Variants in SPAG16 observed in about 807,000 individuals in gnomAD.
SPAG16 encodes the protein sperm associated antigen 16.
SPAG16 carries 86 observed loss-of-function variants against 80.4 expected under a neutral mutation model. The observed-to-expected ratio is 1.07, with a 90% CI of 0.90 to 1.28. The LOEUF (loss-of-function observed/expected upper bound fraction) is 1.28. Among genes scored for constraint, SPAG16 ranks in the 50% most tolerant of loss-of-function variants. SPAG16 has a pLI of 0.00. For synonymous variants in SPAG16, 294 were observed against 265.9 expected (o/e 1.11, Z -1.03); for missense variants, 870 against 765.3 (o/e 1.14, Z -1.61).
chr2:213,645,120 C>T (rs1485799345), intron 10 of SPAG16, among the ~76,000 whole-genome samples: 5 of 152,180 alleles, frequency 3.3e-5, no homozygotes, highest in African/African-American at 9.7e-5. Context: ...AGCCTCACTC[C>T]TGCAGCCACA....
At chr2:213,601,818 T>C (rs541789100) in intron 10 of SPAG16, among the ~76,000 whole-genome samples, 3 of 152,334 alleles carry the variant, frequency 2.0e-5, no homozygotes, top group South Asian at 4.1e-4. Context: ...CTGGGAACAA[T>C]AGGCTATACC....
intron 10 of SPAG16, among the ~76,000 whole-genome samples, chr2:213,680,990 T>C (rs1313494326): frequency 8.5e-5 from 13 of 152,178 alleles, no homozygotes; most frequent in Admixed American, 6.6e-4. Context: ...AGATAAAGGA[T>C]TGTGGAGACC....
intron 11 of SPAG16, among the ~76,000 whole-genome samples, chr2:213,899,177 T>TGCTGCTTAGA (rs2077112751): frequency 6.6e-6 from 1 of 152,102 alleles, no homozygotes; most frequent in Non-Finnish European, 1.5e-5. Flanking sequence ...GAACTTGGTG[T>TGCTGCTTAGA]ACTTGTAAAG....
At chr2:214,133,794 T>C (rs1243832183) in intron 14 of SPAG16, among the ~76,000 whole-genome samples, 1 of 152,164 alleles carries the variant, frequency 6.6e-6, no homozygotes, top group Non-Finnish European at 1.5e-5. Context: ...AAATTTCAAC[T>C]GAATAGAATT....
intron 15 of SPAG16, among the ~76,000 whole-genome samples, chr2:214,366,097 G>T (rs7603171): frequency 3.0e-4 from 46 of 151,798 alleles, no homozygotes; most frequent in African/African-American, 1.1e-3. Context: ...TTCTGCCTCA[G>T]CTTCCCAAGT....
At chr2:214,217,187 G>T (rs901551991) in intron 15 of SPAG16, among the ~76,000 whole-genome samples, 1 of 152,182 alleles carries the variant, frequency 6.6e-6, no homozygotes, top group African/African-American at 2.4e-5. Flanking sequence ...GGCACAAATC[G>T]ATTTAATGGG....
At chr2:213,430,219 C>T (rs374022886) in intron 9 of SPAG16, among the ~76,000 whole-genome samples, 14 of 152,172 alleles carry the variant, frequency 9.2e-5, no homozygotes, top group East Asian at 5.8e-4. Flanking sequence ...AAAGTTTCAA[C>T]AATAGATGAG....
At chr2:213,856,550 C>T (rs2075177218) in intron 10 of SPAG16, among the ~76,000 whole-genome samples, 1 of 152,246 alleles carries the variant, frequency 6.6e-6, no homozygotes, top group Admixed American at 6.5e-5. Flanking sequence ...CTACAGCAGA[C>T]TTCTGCCTGG....
chr2:213,417,377 A>G (rs1421474124), intron 9 of SPAG16, among the ~76,000 whole-genome samples: 1 of 152,250 alleles, frequency 6.6e-6, no homozygotes, highest in Non-Finnish European at 1.5e-5. Context: ...ACAGCTTCAC[A>G]ATATCTTATA....
intron 4 of SPAG16, among the ~76,000 whole-genome samples, chr2:213,315,887 TG>T (rs2063380841): frequency 1.3e-5 from 2 of 151,964 alleles, no homozygotes; most frequent in Admixed American, 1.3e-4. Context: ...TCGTCTTTTT[TG>T]GTAGTGTTTT....
At chr2:213,285,787 G>C in intron 1 of SPAG16, 1 of 643,786 alleles carries the variant, frequency 1.6e-6, no homozygotes, top group South Asian at 1.7e-5. Context: ...GGGTGCTTTA[G>C]TGTCATAAAT....
chr2:214,028,228 A>G (rs886510935), intron 13 of SPAG16, among the ~76,000 whole-genome samples: 1 of 152,008 alleles, frequency 6.6e-6, no homozygotes, highest in Admixed American at 6.6e-5. Context: ...TGAGTTTGTG[A>G]TGAAATGACA....
intron 10 of SPAG16, among the ~76,000 whole-genome samples, chr2:213,705,974 A>G (rs775549367): frequency 2.6e-5 from 4 of 152,240 alleles, no homozygotes; most frequent in South Asian, 2.1e-4. Context: ...AGTTGAGTCT[A>G]TCTTGCAAAC....
In SPAG16 at chr2:213,710,085, C is replaced by T. The variant is rs185522546; in HGVS notation, c.1071-152400C>T. On this transcript the variant is annotated intron_variant, in intron 10 of 15. Transcript: ENST00000331683. ...AGATAAGGATGGAGATGGAGACTCTCCTGGCTAACATGGTGAAACCTCGTC... is the reference window on the plus strand; with the variant it reads ...AGATAAGGATGGAGATGGAGACTCTTCTGGCTAACATGGTGAAACCTCGTC... Among the ~76,000 whole-genome samples the T allele has an allele frequency of 1.4e-4, 22 of 152,120 alleles. No individual in the cohort carries two copies. In the East Asian group the frequency reaches 4.2e-3, roughly 29 times the overall value.
At chr2:213,610,306 T>C (rs183429475) in intron 10 of SPAG16, among the ~76,000 whole-genome samples, 1 of 152,328 alleles carries the variant, frequency 6.6e-6, no homozygotes, top group Non-Finnish European at 1.5e-5. Context: ...AAAATCTGGC[T>C]TGATGTAGCC....
chr2:214,386,383 A>G (rs184012871), intron 15 of SPAG16, among the ~76,000 whole-genome samples: 283 of 152,192 alleles, frequency 1.9e-3, no homozygotes, highest in African/African-American at 6.6e-3. Flanking sequence ...TGGGCAAAAG[A>G]GCCAGATCCT....
chr2:213,337,013 G>A (rs571571834), intron 5 of SPAG16, among the ~76,000 whole-genome samples: 9 of 152,296 alleles, frequency 5.9e-5, no homozygotes, highest in African/African-American at 9.6e-5. Flanking sequence ...GCTTCCAGAG[G>A]AAGGAGCTGG....
At chr2:213,983,290 A>C (rs1318638962) in intron 12 of SPAG16, among the ~76,000 whole-genome samples, 2 of 151,994 alleles carry the variant, frequency 1.3e-5, no homozygotes, top group African/African-American at 4.8e-5. Context: ...ATAAGAGAAC[A>C]AATTTAAAGT....
chr2:213,689,845 T>A (rs1260101635), intron 10 of SPAG16, among the ~76,000 whole-genome samples: 1 of 152,132 alleles, frequency 6.6e-6, no homozygotes, highest in Non-Finnish European at 1.5e-5. Flanking sequence ...TATGCTGCTG[T>A]AGAGAGGCTA....
Sources: gnomAD v4.1 joint callset for allele counts (sites outside exome capture counted in the v4.1 genomes callset) on GRCh38, gnomAD v4.1.1 for gene constraint, MANE v1.5 for transcripts, NCBI Gene and HGNC (gene_info 2026-07-23, HGNC 2026-07-21) for gene names.